Variants in PCDHGB4 observed in about 807,000 individuals in gnomAD.
PCDHGB4 encodes protocadherin gamma-B4.
In PCDHGB4, 38 loss-of-function variants were observed where a neutral mutation model predicts 60.5. The ratio of observed to expected loss-of-function variants is 0.63; its 90% CI spans 0.48 to 0.82. The LOEUF is 0.82. Ranked by LOEUF, PCDHGB4 falls within the 40% of genes least tolerant of loss-of-function variation. The probability of loss-of-function intolerance (pLI) is 0.00; values close to 1 mark genes in which losing one functional copy is unlikely to be tolerated. For missense variants in PCDHGB4, 1,109 were observed against 1,209.6 expected, an observed-to-expected ratio of 0.92 and a Z score of 1.23; for synonymous variants, 456 against 509.7, an observed-to-expected ratio of 0.89 and a Z score of 1.42.
intron 1 of PCDHGB4, chr5:141,410,627 TTC>T: frequency 6.2e-7 from 1 of 1,602,046 alleles, no homozygotes; most frequent in Admixed American, 1.7e-5. Flanking sequence ...TTCGGTGAGT[TTC>T]TCTTTTTTGT....
intron 1 of PCDHGB4, among the ~76,000 whole-genome samples, chr5:141,494,496 T>A (rs147870810): frequency 2.9e-3 from 442 of 152,264 alleles, no homozygotes; most frequent in Non-Finnish European, 4.9e-3. Flanking sequence ...ATGCCTTCAG[T>A]CCTTGAATTT....
At position 141,392,919 on chromosome 5, in the gene PCDHGB4, C is replaced by T. The variant is rs1220575114; in HGVS notation, c.2397+2638C>T. On this transcript the variant is annotated intron_variant, in intron 1 of 3. Coordinates refer to ENST00000519479, the MANE Select transcript of PCDHGB4 (RefSeq NM_003736.4). The stretch of plus-strand genomic sequence containing the variant: ...GAGGGGACAGATTCGCTACTCTGTG[C>T]CAGAAGAGACGGACAAAGGCTCCTT... 5.0e-6 allele frequency: 8 copies of T among 1,613,762 alleles called. No individual in the cohort carries two copies. The African/African-American group carries it at 1.1e-4, about 22-fold the overall frequency.
intron 1 of PCDHGB4, among the ~76,000 whole-genome samples, chr5:141,445,902 T>C (rs1022574381): frequency 3.9e-5 from 6 of 152,186 alleles, no homozygotes; most frequent in Non-Finnish European, 8.8e-5. Context: ...TTAAAATATT[T>C]TAAACAAGGC....
At chr5:141,393,617 C>A (rs746699091) in intron 1 of PCDHGB4, 4 of 1,613,770 alleles carry the variant, frequency 2.5e-6, no homozygotes, top group African/African-American at 2.7e-5. Context: ...CAGCCAGCGA[C>A]CCGGATGAGG....
intron 1 of PCDHGB4, among the ~76,000 whole-genome samples, chr5:141,406,302 C>T (rs897412289): frequency 1.3e-4 from 20 of 152,020 alleles, no homozygotes; most frequent in African/African-American, 4.8e-4. Context: ...GAGGTGTGAA[C>T]CACCTCACCC....
Position 141,431,559 on chromosome 5 carries a change from C to A in PCDHGB4, c.2397+41278C>A. On this transcript the variant is annotated intron_variant, in intron 1 of 3. Coordinates refer to ENST00000519479, the MANE Select transcript of PCDHGB4 (RefSeq NM_003736.4). The surrounding 1 kb of genome is among the most constrained non-coding windows in gnomAD (Gnocchi z 4.8). ...ACGCAGCTGCTTGTAGTCAACGCTA[C>A]CGACCCTGACGAAGGAGTCAATGCG... is the stretch of plus-strand genomic sequence containing the variant. 6.2e-7 allele frequency: 1 copy of A among 1,614,158 alleles called. No homozygotes were observed. The highest frequency in any genetic ancestry group is 8.5e-7 in the Non-Finnish European group (1 of 1,180,030).
chr5:141,511,276 T>A lies in PCDHGB4; in HGVS notation c.*103T>A. ...AGAGTTTCAGGGCTAACCCCCAGAA[T>A]ACTGGTAGGGGCCAAGGCCATGCTC... On this transcript the variant is annotated 3_prime_UTR_variant, in exon 4 of 4. Coordinates refer to ENST00000519479, the MANE Select transcript of PCDHGB4 (RefSeq NM_003736.4). 6.5e-7 allele frequency: 1 copy of A among 1,538,086 alleles called. No homozygotes were observed. Among genetic ancestry groups the A allele is most frequent in the Non-Finnish European group, 8.8e-7 (1 of 1,140,722 alleles).
At position 141,476,980 on chromosome 5, in the gene PCDHGB4, C is replaced by T; in HGVS notation, c.2398-17827C>T. 6.2e-7 allele frequency: 1 copy of T among 1,614,232 alleles called. No individual in the cohort carries two copies. Among genetic ancestry groups the T allele is most frequent in the Non-Finnish European group, 8.5e-7 (1 of 1,180,044 alleles). On this transcript the variant is annotated intron_variant, in intron 1 of 3. Coordinates refer to ENST00000519479, the MANE Select transcript of PCDHGB4 (RefSeq NM_003736.4). This position sits in a 1 kb window ranked among gnomAD's most constrained non-coding sequence, Gnocchi z 7.6. Reference sequence around the variant, plus strand: ...TTTACTCCTTCGGCAGCCACAACCGCGCCGGCGTGCGGCAACTATTCGCCT... The same window carrying T: ...TTTACTCCTTCGGCAGCCACAACCGTGCCGGCGTGCGGCAACTATTCGCCT...
At position 141,420,019 on chromosome 5, in the gene PCDHGB4, C is replaced by T. The variant is rs2096459006; in HGVS notation, c.2397+29738C>T. 13 of 1,614,072 alleles carry T rather than the reference C, an allele frequency of 8.1e-6. No homozygotes were observed. In the East Asian group the frequency reaches 2.7e-4, roughly 33 times the overall value. On this transcript the variant is annotated intron_variant, in intron 1 of 3. Coordinates refer to ENST00000519479, the MANE Select transcript of PCDHGB4 (RefSeq NM_003736.4). ...CTCTACGCCTGCGACAGTCTTTCAGCCCTACTGCAGGAGACTGCTTTGAGT... is the reference window on the plus strand; with the variant it reads ...CTCTACGCCTGCGACAGTCTTTCAGTCCTACTGCAGGAGACTGCTTTGAGT...
Position 141,405,054 on chromosome 5 carries a change from C to G in PCDHGB4, c.2397+14773C>G, listed in dbSNP as rs773491411. ...CTCGTTGTGGCTGTGGCAGTCGTCT[C>G]CTGTGTCTTCCTCACCTTCGTTATC... On this transcript the variant is annotated intron_variant, in intron 1 of 3. Transcript: ENST00000519479. The G allele has an allele frequency of 2.3e-5, 37 of 1,613,806 alleles. 1 individual carries two copies. The South Asian group carries it at 4.1e-4, about 18-fold the overall frequency.
chr5:141,492,257 A>G (rs955890030), intron 1 of PCDHGB4, among the ~76,000 whole-genome samples: 1 of 152,126 alleles, frequency 6.6e-6, no homozygotes, highest in Non-Finnish European at 1.5e-5. Flanking sequence ...GGCCCACACA[A>G]GTTGCACGGG....
chr5:141,478,839 T>G, intron 1 of PCDHGB4: 6 of 1,423,322 alleles, frequency 4.2e-6, no homozygotes, highest in Non-Finnish European at 5.5e-6. Flanking sequence ...AAGGGATGGT[T>G]AAGCTAAAAC....
At chr5:141,398,742 G>GAGT (rs2093697710) in intron 1 of PCDHGB4, 1 of 1,613,726 alleles carries the variant, frequency 6.2e-7, no homozygotes, top group Non-Finnish European at 8.5e-7. Flanking sequence ...GGGAACAACA[G>GAGT]AGTTACCATC....
Position 141,477,439 on chromosome 5 carries a change from A to C in PCDHGB4, c.2398-17368A>C. 1 of 1,614,142 alleles carries C rather than the reference A, an allele frequency of 6.2e-7. No homozygotes were observed. Among genetic ancestry groups the C allele is most frequent in the Non-Finnish European group, 8.5e-7 (1 of 1,180,016 alleles). On this transcript the variant is annotated intron_variant, in intron 1 of 3. Transcript: ENST00000519479. This position sits in a 1 kb window ranked among gnomAD's most constrained non-coding sequence, Gnocchi z 4.9. ...GAACCCCTTCCCTCTCAGCCCTTAC[A>C]ATAGTGCGTGTTCAAGTGTCCGACA... is the stretch of plus-strand genomic sequence containing the variant.
At chr5:141,430,729 G>T in intron 1 of PCDHGB4, 1 of 1,499,360 alleles carries the variant, frequency 6.7e-7, no homozygotes, top group East Asian at 2.3e-5. Flanking sequence ...GTTAAGGGCA[G>T]AATTGAAAAT....
intron 1 of PCDHGB4, chr5:141,409,788 C>T (rs1224847553): frequency 3.1e-6 from 5 of 1,612,138 alleles, no homozygotes; most frequent in Admixed American, 1.7e-5. Flanking sequence ...CGCGCCTTCG[C>T]GCTCACGCTG....
intron 1 of PCDHGB4, among the ~76,000 whole-genome samples, chr5:141,474,970 A>C (rs1309289477): frequency 6.6e-6 from 1 of 152,212 alleles, no homozygotes; most frequent in Admixed American, 6.5e-5. Context: ...TAATCATTAT[A>C]ATTTTGTTTG....
chr5:141,408,973 T>G lies in PCDHGB4; in HGVS notation c.2397+18692T>G, dbSNP rs754120948. 4.3e-5 allele frequency: 70 copies of G among 1,613,718 alleles called. No homozygotes were observed. In the Admixed American group the frequency reaches 6.5e-4, roughly 15 times the overall value. ...TTAGTCTTAGTGAAAATCTGCCCCC[T>G]GGGTCCCCTGTGTTGCAAGTGACAG... On this transcript the variant is annotated intron_variant, in intron 1 of 3. Transcript: ENST00000519479.
chr5:141,395,542 TTGTGTGTGTGTGTGTGTGTGTGTGTG>T lies in PCDHGB4; in HGVS notation c.2397+5285_2397+5310del, dbSNP rs55729045. 7.0e-5 allele frequency: 12 copies of T among 172,630 alleles called. No homozygotes were observed. In the South Asian group the frequency reaches 8.7e-4, roughly 12 times the overall value. 10.7% of individuals were successfully genotyped at this position (172,630 alleles called of 1,614,324 possible). ...TCCATACTGGTAATTTTGCTATTGTTTGTGTGTGTGTGTGTGTGTGTGTGTGTGTGTGTGTGTGTGTGTGTGTGTAT... is the reference window on the plus strand; with the variant it reads ...TCCATACTGGTAATTTTGCTATTGTTTGTGTGTGTGTGTGTGTGTGTGTAT... On this transcript the variant is annotated intron_variant, in intron 1 of 3. Coordinates refer to ENST00000519479, the MANE Select transcript of PCDHGB4 (RefSeq NM_003736.4).
Sources: gnomAD v4.1 joint callset for allele counts (sites outside exome capture counted in the v4.1 genomes callset) on GRCh38, gnomAD v4.1.1 for gene constraint, Gnocchi (gnomAD v3.1) non-coding constraint, MANE v1.5 for transcripts, NCBI Gene and HGNC (gene_info 2026-07-23, HGNC 2026-07-21) for gene names.